Variants in MYO1D observed in about 807,000 individuals in gnomAD.
MYO1D encodes the protein myosin ID.
In MYO1D, 83 loss-of-function variants were observed where a neutral mutation model predicts 122.0. The ratio of observed to expected loss-of-function variants is 0.68; its 90% CI spans 0.57 to 0.82. MYO1D has a LOEUF of 0.82. Among genes scored for constraint, MYO1D ranks in the 40% least tolerant of loss-of-function variants. The pLI, the probability that MYO1D is intolerant of heterozygous loss-of-function variation, is 0.00. For synonymous variants in MYO1D, 464 were observed against 446.9 expected (o/e 1.04, Z -0.48); for missense variants, 1,157 against 1,269.5 (o/e 0.91, Z 1.35).
At chr17:32,730,771 T>C (rs1183972796) in intron 14 of MYO1D, among the ~76,000 whole-genome samples, 2 of 152,192 alleles carry the variant, frequency 1.3e-5, no homozygotes, top group Non-Finnish European at 2.9e-5. Flanking sequence ...TCATTGGGCT[T>C]CCTGATTCTG....
chr17:32,768,294 A>G (rs2090080234), intron 6 of MYO1D, among the ~76,000 whole-genome samples: 1 of 152,266 alleles, frequency 6.6e-6, no homozygotes, highest in South Asian at 2.1e-4. Context: ...GTCTGGGACT[A>G]TAACTTCATT....
At chr17:32,523,066 T>C (rs982894251) in intron 21 of MYO1D, among the ~76,000 whole-genome samples, 5 of 152,144 alleles carry the variant, frequency 3.3e-5, no homozygotes, top group South Asian at 2.1e-4. Context: ...CTGCCCACCT[T>C]GGCCTCCCAA....
intron 16 of MYO1D, among the ~76,000 whole-genome samples, chr17:32,706,173 T>A (rs762127124): frequency 7.9e-5 from 12 of 152,196 alleles, no homozygotes; most frequent in African/African-American, 1.2e-4. Flanking sequence ...AGTGGCACAA[T>A]CTCAGGTCAC....
intron 21 of MYO1D, among the ~76,000 whole-genome samples, chr17:32,515,720 G>A (rs1156740162): frequency 1.3e-5 from 2 of 152,184 alleles, no homozygotes; most frequent in Non-Finnish European, 2.9e-5. Context: ...AATCCACAGT[G>A]AAGAATATTT....
At chr17:32,643,422 A>T (rs1031438744) in intron 19 of MYO1D, among the ~76,000 whole-genome samples, 2 of 152,138 alleles carry the variant, frequency 1.3e-5, no homozygotes, top group Non-Finnish European at 2.9e-5. Flanking sequence ...TGGTATCAGG[A>T]TGATGCTGGC....
At chr17:32,801,048 G>A (rs2430983) in intron 1 of MYO1D, among the ~76,000 whole-genome samples, 66,264 of 151,898 alleles carry the variant, frequency 0.44, 15,033 homozygotes, top group East Asian at 0.72. Flanking sequence ...AGAAAAAAAG[G>A]AAAGTGCCTG....
intron 1 of MYO1D, among the ~76,000 whole-genome samples, chr17:32,860,094 T>C (rs1171198209): frequency 6.6e-6 from 1 of 152,096 alleles, no homozygotes; most frequent in Non-Finnish European, 1.5e-5. Context: ...GAGAGCTCAC[T>C]CTCCTTCCTC....
intron 21 of MYO1D, among the ~76,000 whole-genome samples, chr17:32,570,643 C>T (rs532373687): frequency 3.3e-5 from 5 of 152,198 alleles, no homozygotes; most frequent in East Asian, 1.9e-4. Flanking sequence ...TGAGCCACTG[C>T]GCCTGGCCGG....
intron 16 of MYO1D, among the ~76,000 whole-genome samples, chr17:32,685,635 T>C (rs1057274381): frequency 6.6e-6 from 1 of 152,242 alleles, no homozygotes; most frequent in Non-Finnish European, 1.5e-5. Context: ...TTCAGGAATA[T>C]ATGTATTTAG....
intron 1 of MYO1D, among the ~76,000 whole-genome samples, chr17:32,869,751 A>G (rs1424042903): frequency 1.3e-5 from 2 of 152,050 alleles, no homozygotes; most frequent in African/African-American, 4.8e-5. Flanking sequence ...TATCTCTTTA[A>G]TGTAAAAGTA....
chr17:32,553,921 AT>A, intron 21 of MYO1D, among the ~76,000 whole-genome samples: 1 of 152,148 alleles, frequency 6.6e-6, no homozygotes, highest in Non-Finnish European at 1.5e-5. Context: ...ACTGAACTAT[AT>A]CCTTTTAAAA....
At chr17:32,797,495 A>C (rs1273754895) in intron 1 of MYO1D, among the ~76,000 whole-genome samples, 1 of 152,208 alleles carries the variant, frequency 6.6e-6, no homozygotes, top group Non-Finnish European at 1.5e-5. Context: ...AAAAACATGA[A>C]GATATTTCGA....
chr17:32,729,710 A>G (rs1384235663), intron 14 of MYO1D, among the ~76,000 whole-genome samples: 1 of 152,208 alleles, frequency 6.6e-6, no homozygotes. Context: ...AAGGCTGAAC[A>G]TAGCTTCTGG....
intron 15 of MYO1D, among the ~76,000 whole-genome samples, chr17:32,716,782 G>A (rs918755387): frequency 9.8e-5 from 15 of 152,344 alleles, no homozygotes; most frequent in Admixed American, 8.5e-4. Context: ...GCAGGCAAGA[G>A]GCACTCTGCC....
At chr17:32,631,914 TGTTA>T (rs1180237498) in intron 20 of MYO1D, among the ~76,000 whole-genome samples, 14 of 142,150 alleles carry the variant, frequency 9.8e-5, no homozygotes, top group Admixed American at 8.0e-4. Context: ...TTTCAAACTC[TGTTA>T]GTTTGAAATT....
rs189470785 is a variant in MYO1D, at chr17:32,716,744, C to T, written c.1913+4279G>A. On this transcript the variant is annotated intron_variant, in intron 15 of 21. Coordinates refer to ENST00000318217, the MANE Select transcript of MYO1D (RefSeq NM_015194.3). ...CACGCTTCAGAAACTGGATTGCTAT[C>T]CTACAGCCCCACTGCTCAGCTCCCA... is the stretch of plus-strand genomic sequence containing the variant. 5.9e-5 allele frequency among the ~76,000 whole-genome samples: 9 copies of T among 152,338 alleles called. No individual in the cohort carries two copies. The East Asian group carries it at 1.7e-3, about 29-fold the overall frequency.
chr17:32,523,005 C>T (rs921848365), intron 21 of MYO1D, among the ~76,000 whole-genome samples: 24 of 152,108 alleles, frequency 1.6e-4, no homozygotes, highest in South Asian at 2.1e-4. Flanking sequence ...TTAGTAGAGA[C>T]GGGGTTTCAC....
chr17:32,525,664 C>G (rs1027625192), intron 21 of MYO1D, among the ~76,000 whole-genome samples: 6 of 152,166 alleles, frequency 3.9e-5, no homozygotes, highest in Admixed American at 2.6e-4. Context: ...ACTCTCTCTG[C>G]CCCAGAAATA....
At chr17:32,748,583 T>G (rs1259574705) in intron 12 of MYO1D, among the ~76,000 whole-genome samples, 1 of 152,176 alleles carries the variant, frequency 6.6e-6, no homozygotes, top group Non-Finnish European at 1.5e-5. Flanking sequence ...GCCTATACTC[T>G]TCACTAAACT....
Sources: gnomAD v4.1 joint callset for allele counts (sites outside exome capture counted in the v4.1 genomes callset) on GRCh38, gnomAD v4.1.1 for gene constraint, MANE v1.5 for transcripts, NCBI Gene and HGNC (gene_info 2026-07-23, HGNC 2026-07-21) for gene names.